GASK1A: variants seen among roughly 807,000 people sequenced by gnomAD.
GASK1A encodes the protein golgi associated kinase 1A, also known as Golgi-associated kinase 1A.
GASK1A carries 40 observed loss-of-function variants against 41.2 expected under a neutral mutation model. The observed-to-expected ratio is 0.97, with a 90% CI of 0.75 to 1.27. The LOEUF (loss-of-function observed/expected upper bound fraction) is 1.27, where lower values mean the gene tolerates loss of function less well. Among genes scored for constraint, GASK1A ranks in the 50% most tolerant of loss-of-function variants. GASK1A has a pLI of 0.00. For missense variants in GASK1A, 678 were observed against 745.1 expected, an observed-to-expected ratio of 0.91 and a Z score of 1.05; for synonymous variants, 316 against 307.1, an observed-to-expected ratio of 1.03 and a Z score of -0.30.
chr3:43,010,099 A>G (rs571974938), intron 1 of GASK1A, among the ~76,000 whole-genome samples: 7 of 152,288 alleles, frequency 4.6e-5, no homozygotes, highest in African/African-American at 1.7e-4. Context: ...CTGGATTCCC[A>G]CACTGGTTCC....
chr3:43,044,362 C>G (rs1323278078), intron 2 of GASK1A, among the ~76,000 whole-genome samples: 1 of 152,196 alleles, frequency 6.6e-6, no homozygotes, highest in African/African-American at 2.4e-5. Context: ...GACTCTGGTT[C>G]TCAGGCCTGT....
chr3:42,985,487 T>G (rs922602488), intron 1 of GASK1A, among the ~76,000 whole-genome samples: 6 of 151,006 alleles, frequency 4.0e-5, no homozygotes, highest in Non-Finnish European at 7.4e-5. Flanking sequence ...AATAGAAAAA[T>G]CAAAAATACA....
chr3:42,992,271 G>A (rs1248253098), intron 1 of GASK1A, among the ~76,000 whole-genome samples: 3 of 151,064 alleles, frequency 2.0e-5, no homozygotes, highest in African/African-American at 4.8e-5. Flanking sequence ...GGTTCAGAGG[G>A]TGAGTTGTAA....
At chr3:42,994,063 C>T (rs2089356649) in intron 1 of GASK1A, among the ~76,000 whole-genome samples, 1 of 152,224 alleles carries the variant, frequency 6.6e-6, no homozygotes, top group African/African-American at 2.4e-5. Flanking sequence ...GCCCTCCAGC[C>T]ACAAATGTGA....
At chr3:43,010,739 C>T (rs1237499690) in intron 1 of GASK1A, among the ~76,000 whole-genome samples, 1 of 152,210 alleles carries the variant, frequency 6.6e-6, no homozygotes, top group African/African-American at 2.4e-5. Context: ...GGTTTTCATT[C>T]CTTCCCCAGC....
chr3:43,026,858 C>T (rs1262424296), intron 1 of GASK1A, among the ~76,000 whole-genome samples: 1 of 152,068 alleles, frequency 6.6e-6, no homozygotes. Flanking sequence ...TAATATTTAG[C>T]TCAAGAAAAT....
At chr3:42,985,546 C>CTT (rs1174325045) in intron 1 of GASK1A, among the ~76,000 whole-genome samples, 7 of 134,702 alleles carry the variant, frequency 5.2e-5, no homozygotes, top group Non-Finnish European at 9.8e-5. Flanking sequence ...CCTGTGCATA[C>CTT]GTGTGTGTGT....
chr3:43,033,545 C>G lies in GASK1A; in HGVS notation c.1282C>G (p.Leu428Val). 1 of 1,529,350 alleles carries G rather than the reference C, an allele frequency of 6.5e-7. No individual in the cohort carries two copies. The highest frequency in any genetic ancestry group is 8.8e-7 in the Non-Finnish European group (1 of 1,132,834). The allele number at this position is 1,529,350 out of a possible 1,614,324, so 94.7% of individuals were successfully genotyped here. A position where few individuals can be genotyped will look rare whatever the true frequency, so the allele number is the denominator to read the frequency against. The change falls in exon 2 of 5, where the codon CTG (leucine) becomes GTG (valine). Residue 428 changes from leucine to valine, a missense_variant. Leu to Val is a conservative substitution (Grantham distance 32, BLOSUM62 1). Transcript: ENST00000430121. ...GGCACGCCTGGCGCTCTTCGACTTC[C>G]TGTTGCAGGTAGGTGGGGTTGGGCA... ...EWARLALFDF[L>V]LQVHDRLDRY...
chr3:43,023,243 G>A (rs932271580), intron 1 of GASK1A, among the ~76,000 whole-genome samples: 3 of 152,134 alleles, frequency 2.0e-5, no homozygotes, highest in Non-Finnish European at 4.4e-5. Flanking sequence ...GTGACTACAA[G>A]ACAAGGAATG....
intron 2 of GASK1A, 80 bp from the exon 3 acceptor site, chr3:43,053,441 C>T (rs1575453728): frequency 1.4e-6 from 2 of 1,439,810 alleles, no homozygotes; most frequent in East Asian, 2.5e-5. Context: ...TAGGAAACAG[C>T]AGGTCAGGTG....
chr3:43,053,313 C>G (rs1468301608), intron 2 of GASK1A, among the ~76,000 whole-genome samples: 2 of 152,236 alleles, frequency 1.3e-5, no homozygotes, highest in African/African-American at 4.8e-5. Flanking sequence ...GAGGCATGAG[C>G]AAACAGCTCC....
Position 43,056,221 on chromosome 3 carries a change from G to A in GASK1A, c.1563G>A (p.Gln521=). 6.4e-7 allele frequency: 1 copy of A among 1,551,752 alleles called. No homozygotes were observed. The highest frequency in any genetic ancestry group is 8.7e-7 in the Non-Finnish European group (1 of 1,147,018). ...AVKVLASGCL[Q]NMLLKSLQMD... ...AGGTTCTCGCATCAGGGTGTCTACA[G>A]AACATGCTGCTGAAGTCGCTGCAGA... The change falls in exon 5 of 5, where the codon CAG becomes CAA. Residue 521 remains glutamine, a synonymous_variant. Transcript: ENST00000430121.
At chr3:42,985,546 C>CGTGTGTGTGTGTGTGT (rs56195274) in intron 1 of GASK1A, among the ~76,000 whole-genome samples, 9 of 134,702 alleles carry the variant, frequency 6.7e-5, no homozygotes, top group African/African-American at 2.1e-4. Context: ...CCTGTGCATA[C>CGTGTGTGTGTGTGTGT]GTGTGTGTGT....
At position 43,056,908 on chromosome 3, in the gene GASK1A, T is replaced by A. The variant is rs897433055; in HGVS notation, c.*522T>A. On this transcript the variant is annotated 3_prime_UTR_variant, in exon 5 of 5. Transcript: ENST00000430121. The stretch of plus-strand genomic sequence containing the variant: ...ATTATTACTCAGTTATGTTTTTGGT[T>A]TAAAAAATTATAAAAGTCTAAAAGT... 2.6e-5 allele frequency: 4 copies of A among 152,232 alleles called. No individual in the cohort carries two copies. Among genetic ancestry groups the A allele is most frequent in the African/African-American group, 9.7e-5 (4 of 41,438 alleles). 9.4% of individuals were successfully genotyped at this position (152,232 alleles called of 1,614,324 possible).
Position 43,032,392 on chromosome 3 carries a change from C to G in GASK1A, c.129C>G (p.Asp43Glu), listed in dbSNP as rs2089580564. 1.3e-6 allele frequency: 2 copies of G among 1,551,636 alleles called. No homozygotes were observed. The highest frequency in any genetic ancestry group is 1.7e-6 in the Non-Finnish European group (2 of 1,146,918). ...CACAGCGTCCATCCGCCGGCCCAGA[C>G]CCTGGTCCCATGGAGCCTCAGGGGG... ...FPPQRPSAGP[D>E]PGPMEPQGVT... Residue 43 changes from aspartate to glutamate, a missense_variant, in exon 2 of 5, where the codon GAC becomes GAG. Asp to Glu is a conservative substitution (Grantham distance 45). Transcript: ENST00000430121.
intron 1 of GASK1A, among the ~76,000 whole-genome samples, chr3:43,017,737 GTGAAGCCACAGGGGGCCGTC>G (rs1456847115): frequency 1.3e-5 from 2 of 151,446 alleles, no homozygotes; most frequent in African/African-American, 4.9e-5. Context: ...AAGGGGCAGC[GTGAAGCCACAGGGGGCCGTC>G]TGAAGCCACA....
intron 1 of GASK1A, among the ~76,000 whole-genome samples, chr3:43,007,141 A>G (rs2089440649): frequency 6.6e-6 from 1 of 152,238 alleles, no homozygotes; most frequent in Non-Finnish European, 1.5e-5. Flanking sequence ...TGGAAACAGG[A>G]CATACTGTTG....
intron 1 of GASK1A, among the ~76,000 whole-genome samples, chr3:43,014,883 A>C (rs2089481946): frequency 6.6e-6 from 1 of 151,264 alleles, no homozygotes; most frequent in Non-Finnish European, 1.5e-5. Flanking sequence ...AGGCACTGTG[A>C]AATCACAGGA....
At chr3:42,993,189 TA>T in intron 1 of GASK1A, among the ~76,000 whole-genome samples, 1 of 152,218 alleles carries the variant, frequency 6.6e-6, no homozygotes, top group Non-Finnish European at 1.5e-5. Context: ...AGCACTAGGT[TA>T]AAGAAAGTTA....
Sources: gnomAD v4.1 joint callset for allele counts (sites outside exome capture counted in the v4.1 genomes callset) on GRCh38, gnomAD v4.1.1 for gene constraint, MANE v1.5 for transcripts, NCBI Gene and HGNC (gene_info 2026-07-23, HGNC 2026-07-21) for gene names.